The following FKBP1B variants were observed in gnomAD, a reference collection of about 807,000 sequenced individuals.
FKBP1B encodes FKBP prolyl isomerase 1B.
A neutral mutation model predicts 13.5 loss-of-function variants in FKBP1B; 4 were observed. The ratio of observed to expected loss-of-function variants is 0.30; its 90% confidence interval spans 0.15 to 0.68. The LOEUF is 0.68. Ranked by LOEUF, FKBP1B falls within the 30% of genes least tolerant of loss-of-function variation. FKBP1B has a pLI of 0.76. For synonymous variants in FKBP1B, 54 were observed against 53.6 expected, an observed-to-expected ratio of 1.01 and a Z score of -0.03; for missense variants, 93 against 136.2, an observed-to-expected ratio of 0.68 and a Z score of 1.58.
chr2:24,038,757 CATG>C, the FKBP1B span: 1 of 1,614,136 alleles, frequency 6.2e-7, no homozygotes, highest in South Asian at 1.1e-5. Context: ...CATACGGAGT[CATG>C]TCTTTACTGT....
rs550038993 is a variant in FKBP1B at position 24,052,815 on chromosome 2, A to T, written c.38-1087A>T. Among the ~76,000 whole-genome samples the T allele has an allele frequency of 5.9e-4, 89 of 152,016 alleles. 2 individuals are homozygous for T. Among genetic ancestry groups the T allele is most frequent in the South Asian group, 1.5e-3 (7 of 4,814 alleles). On this transcript the variant is annotated intron_variant, in intron 1 of 3. Coordinates refer to ENST00000380986, the MANE Select transcript of FKBP1B (RefSeq NM_004116.5). ...GACCCTGTCTCTACAAATTTTTTTT[A>T]AAAAAATTAGCTGGGCATGGCAGCA...
rs958469807 is a variant in FKBP1B, at chr2:24,063,556, C to T, written c.*364C>T. ...CAGACATGAAATGTACATGGCGTACCGTACACAGAGGGACTTGAGCCAGTT... is the reference window on the plus strand; with the variant it reads ...CAGACATGAAATGTACATGGCGTACTGTACACAGAGGGACTTGAGCCAGTT... On this transcript the variant is annotated 3_prime_UTR_variant, in exon 4 of 4. Transcript: ENST00000380986. The T allele has an allele frequency of 6.6e-5, 17 of 255,766 alleles. No homozygotes were observed. Among genetic ancestry groups the T allele is most frequent in the Non-Finnish European group, 1.3e-4 (17 of 133,592 alleles). The allele number at this position is 255,766 out of a possible 1,614,324, so 15.8% of individuals were successfully genotyped here.
intron 2 of FKBP1B, among the ~76,000 whole-genome samples, chr2:24,059,021 G>A (rs1393243304): frequency 2.6e-5 from 4 of 152,170 alleles, no homozygotes; most frequent in Non-Finnish European, 4.4e-5. Context: ...ACACTAAGCT[G>A]GCCCTGCTTC....
chr2:24,055,953 T>G (rs983240786), intron 2 of FKBP1B, among the ~76,000 whole-genome samples: 4 of 152,204 alleles, frequency 2.6e-5, no homozygotes, highest in African/African-American at 9.6e-5. Flanking sequence ...AGTTACCCTG[T>G]GTCCTCCCCA....
upstream of FKBP1B, among the ~76,000 whole-genome samples, chr2:24,047,523 T>C (rs1663667603): frequency 1.3e-5 from 2 of 152,062 alleles, no homozygotes; most frequent in African/African-American, 4.8e-5. Flanking sequence ...CTTTTGAATA[T>C]GCACATTAGC....
intron 1 of FKBP1B, among the ~76,000 whole-genome samples, chr2:24,053,423 C>T (rs1181651030): frequency 2.0e-5 from 3 of 151,676 alleles, no homozygotes; most frequent in Non-Finnish European, 4.4e-5. Context: ...GCCACCATGC[C>T]TGGCCTCTCA....
upstream of FKBP1B, among the ~76,000 whole-genome samples, chr2:24,046,744 A>T (rs1404781679): frequency 6.6e-6 from 1 of 152,238 alleles, no homozygotes; most frequent in African/African-American, 2.4e-5. Flanking sequence ...AATTAAGAAG[A>T]GTTAACGAAA....
chr2:24,035,923 GCCA>G, the FKBP1B span, among the ~76,000 whole-genome samples: 2 of 151,846 alleles, frequency 1.3e-5, no homozygotes, highest in African/African-American at 4.8e-5. Context: ...ACAAAAATTA[GCCA>G]GGTGTGGTGG....
chr2:24,035,249 G>T, the FKBP1B span, among the ~76,000 whole-genome samples: 1 of 151,776 alleles, frequency 6.6e-6, no homozygotes, highest in Non-Finnish European at 1.5e-5. Context: ...AGCTCTGTGT[G>T]CTGATATAAA....
the FKBP1B span, among the ~76,000 whole-genome samples, chr2:24,033,995 A>G: frequency 6.6e-6 from 1 of 152,232 alleles, no homozygotes; most frequent in African/African-American, 2.4e-5. Context: ...AAAAGTCAAA[A>G]CCAACTAATC....
the FKBP1B span, among the ~76,000 whole-genome samples, chr2:24,036,336 T>G: frequency 2.7e-5 from 4 of 150,320 alleles, no homozygotes; most frequent in Non-Finnish European, 5.9e-5. Context: ...CAAGATCCTG[T>G]CTCTGCTAAA....
intron 2 of FKBP1B, among the ~76,000 whole-genome samples, chr2:24,058,302 A>G (rs761312640): frequency 1.3e-5 from 2 of 151,524 alleles, no homozygotes; most frequent in Non-Finnish European, 2.9e-5. Flanking sequence ...TAGGTTTATG[A>G]TTCATCTGGA....
the FKBP1B span, chr2:24,039,541 C>G: frequency 6.3e-7 from 1 of 1,579,246 alleles, no homozygotes; most frequent in Admixed American, 1.7e-5. Context: ...AAAGTTACAC[C>G]ATGAGAAATC....
the FKBP1B span, chr2:24,037,540 A>G: frequency 1.0e-6 from 1 of 981,278 alleles, no homozygotes; most frequent in Non-Finnish European, 1.5e-6. Context: ...AGGTGTACCA[A>G]CTTGCCTGTA....
chr2:24,057,907 G>A (rs1372321488), intron 2 of FKBP1B, among the ~76,000 whole-genome samples: 1 of 151,888 alleles, frequency 6.6e-6, no homozygotes, highest in East Asian at 1.9e-4. Flanking sequence ...AGAAATCTTT[G>A]TCTGTCAGGC....
upstream of FKBP1B, chr2:24,049,490 A>C: frequency 4.5e-6 from 1 of 220,498 alleles, no homozygotes; most frequent in Non-Finnish European, 8.9e-6. Context: ...ATTAGATGCT[A>C]AATAAATGTC....
At chr2:24,033,969 C>A in the FKBP1B span, among the ~76,000 whole-genome samples, 1 of 152,138 alleles carries the variant, frequency 6.6e-6, no homozygotes, top group Admixed American at 6.5e-5. Flanking sequence ...TAAATGAAGT[C>A]ACAGGAATAA....
At chr2:24,055,925 G>T (rs755210729) in intron 2 of FKBP1B, among the ~76,000 whole-genome samples, 1 of 152,202 alleles carries the variant, frequency 6.6e-6, no homozygotes, top group Non-Finnish European at 1.5e-5. Context: ...ACTCTAGGCA[G>T]CTGTGTAGGA....
chr2:24,053,148 G>C (rs990424146), intron 1 of FKBP1B, among the ~76,000 whole-genome samples: 7 of 152,056 alleles, frequency 4.6e-5, no homozygotes, highest in Non-Finnish European at 1.0e-4. Context: ...GTCTTGCTCT[G>C]TCACCCAGGG....
Sources: allele counts gnomAD v4.1 joint callset (sites outside exome capture counted in the v4.1 genomes callset), GRCh38; gene constraint gnomAD v4.1.1; transcripts MANE v1.5; gene names NCBI Gene and HGNC (gene_info 2026-07-23, HGNC 2026-07-21).